Variants in LINGO2 observed in about 807,000 individuals in gnomAD.
LINGO2 encodes the protein leucine-rich repeat and immunoglobulin-like domain-containing nogo receptor-interacting protein 2.
Under a neutral mutation model 30.6 loss-of-function variants are expected in LINGO2, and 14 were observed. The ratio of observed to expected loss-of-function variants is 0.46; its 90% CI spans 0.30 to 0.72. LINGO2 has a LOEUF of 0.72. Ranked by LOEUF, LINGO2 falls within the 30% of genes least tolerant of loss-of-function variation. The pLI is 0.07. For missense variants in LINGO2, 729 were observed against 751.7 expected, an observed-to-expected ratio of 0.97 and a Z score of 0.35; for synonymous variants, 317 against 288.5, an observed-to-expected ratio of 1.10 and a Z score of -1.00.
chr9:28,813,528 A>G, the LINGO2 span, among the ~76,000 whole-genome samples: 45 of 152,240 alleles, frequency 3.0e-4, no homozygotes, highest in African/African-American at 1.1e-3. Context: ...ACAAACCTCA[A>G]TGTACCCTTC....
chr9:29,191,150 TAAGAA>T, the LINGO2 span, among the ~76,000 whole-genome samples: 1 of 152,162 alleles, frequency 6.6e-6, no homozygotes, highest in East Asian at 1.9e-4. Flanking sequence ...TCTTAGTCAA[TAAGAA>T]AATAGGACAC....
intron 1 of LINGO2, among the ~76,000 whole-genome samples, chr9:28,534,157 T>G (rs989941360): frequency 3.3e-5 from 5 of 152,062 alleles, no homozygotes; most frequent in African/African-American, 1.2e-4. Context: ...TCATTCTGCT[T>G]TATTTATTTA....
chr9:27,969,125 A>AG (rs144164278), intron 5 of LINGO2, among the ~76,000 whole-genome samples: 27,581 of 151,954 alleles, frequency 0.18, 6,195 homozygotes, highest in African/African-American at 0.52. Context: ...TTCAAAATGA[A>AG]GTGAAAAACA....
the LINGO2 span, among the ~76,000 whole-genome samples, chr9:28,992,978 T>C: frequency 6.6e-6 from 1 of 151,192 alleles, no homozygotes; most frequent in South Asian, 2.1e-4. Context: ...AGCAAACACA[T>C]TCAAAAGCTA....
chr9:28,650,575 C>G (rs773936958), intron 1 of LINGO2, among the ~76,000 whole-genome samples: 40 of 152,130 alleles, frequency 2.6e-4, no homozygotes, highest in Non-Finnish European at 5.1e-4. Context: ...AATGCCTTCA[C>G]CAAGAAATTT....
At chr9:29,141,821 C>G in the LINGO2 span, among the ~76,000 whole-genome samples, 1 of 151,674 alleles carries the variant, frequency 6.6e-6, no homozygotes, top group African/African-American at 2.4e-5. Flanking sequence ...TAGATTATAT[C>G]ATGATAAAAA....
intron 4 of LINGO2, among the ~76,000 whole-genome samples, chr9:28,208,225 G>C (rs34239826): frequency 0.11 from 16,523 of 151,876 alleles, 971 homozygotes; most frequent in Middle Eastern, 0.15. Flanking sequence ...TTTTCGTTTT[G>C]ATTTAAAAAT....
chr9:29,180,554 A>G, the LINGO2 span, among the ~76,000 whole-genome samples: 1 of 152,158 alleles, frequency 6.6e-6, no homozygotes, highest in Admixed American at 6.5e-5. Context: ...ATCACCCTAC[A>G]GCATCAAATA....
intron 3 of LINGO2, among the ~76,000 whole-genome samples, chr9:28,360,092 A>G (rs1193303306): frequency 6.6e-6 from 1 of 152,216 alleles, no homozygotes; most frequent in Admixed American, 6.6e-5. Flanking sequence ...ATGGTTGTAA[A>G]GTACTTAGTA....
chr9:28,397,374 C>CATATAT lies in LINGO2; in HGVS notation c.-278-24512_-278-24507dup, dbSNP rs375219396. On this transcript the variant is annotated intron_variant, in intron 2 of 5. Coordinates refer to ENST00000379992, the Ensembl canonical transcript of LINGO2. The stretch of plus-strand genomic sequence containing the variant: ...TTTGAAGTATATATATATATATATA[C>CATATAT]ATATATATATATACACACATTATGG... Among the ~76,000 whole-genome samples, 1,052 of 116,294 alleles carry CATATAT rather than the reference C, an allele frequency of 9.0e-3. 6 individuals are homozygous for CATATAT. Among genetic ancestry groups the CATATAT allele is most frequent in the Non-Finnish European group, 0.014 (747 of 52,846 alleles). 76.3% of individuals were successfully genotyped at this position (116,294 alleles called of 152,430 possible).
intron 4 of LINGO2, among the ~76,000 whole-genome samples, chr9:28,250,176 T>A (rs1054706765): frequency 1.3e-5 from 2 of 152,186 alleles, no homozygotes; most frequent in African/African-American, 4.8e-5. Flanking sequence ...GTTAGTCACA[T>A]CCTTCTGAGC....
rs141843186 is a variant in LINGO2, at chr9:28,390,276, T to C, written c.-278-17408A>G. On this transcript the variant is annotated intron_variant, in intron 2 of 5. Transcript: ENST00000379992. Reference sequence around the variant, plus strand: ...CAGATGACTACAAAATTAAACTATTTCTTTCAGCACAAACATGTTTAGAGT... The same window carrying C: ...CAGATGACTACAAAATTAAACTATTCCTTTCAGCACAAACATGTTTAGAGT... Among the ~76,000 whole-genome samples the C allele has an allele frequency of 3.3e-5, 5 of 152,312 alleles. No individual in the cohort carries two copies. In the East Asian group the frequency reaches 9.6e-4, roughly 29 times the overall value.
the LINGO2 span, among the ~76,000 whole-genome samples, chr9:28,828,470 T>C: frequency 1.9e-3 from 295 of 152,342 alleles, 1 homozygote; most frequent in African/African-American, 7.0e-3. Context: ...TAATGTGATA[T>C]GAAAATGTTT....
At position 28,115,088 on chromosome 9, in the gene LINGO2, G is replaced by T. The variant is rs1348823217; in HGVS notation, c.-86-102683C>A. On this transcript the variant is annotated intron_variant, in intron 4 of 5. Coordinates refer to ENST00000379992, the Ensembl canonical transcript of LINGO2. ...TCCCTCTACATACTGCTTTGAATGC[G>T]TCCCAGAGATTCTGGTATGTGGTGT... Among the ~76,000 whole-genome samples the T allele has an allele frequency of 8.7e-4, 2 of 2,296 alleles. 1 individual carries two copies. Among genetic ancestry groups the T allele is most frequent in the African/African-American group, 9.4e-4 (2 of 2,122 alleles). The allele number at this position is 2,296 out of a possible 152,430, so 1.5% of individuals were successfully genotyped here.
chr9:28,873,239 G>A, the LINGO2 span, among the ~76,000 whole-genome samples: 2 of 151,528 alleles, frequency 1.3e-5, no homozygotes, highest in East Asian at 3.9e-4. Flanking sequence ...GAGTGGTGGC[G>A]GGCACCTGTA....
chr9:28,523,152 G>C (rs1564264411), intron 1 of LINGO2, among the ~76,000 whole-genome samples: 1 of 151,790 alleles, frequency 6.6e-6, no homozygotes, highest in Non-Finnish European at 1.5e-5. Flanking sequence ...AATAAAAGTT[G>C]CTTTAATATC....
At position 28,666,013 on chromosome 9, in the gene LINGO2, T is replaced by G. The variant is rs529368283; in HGVS notation, c.-365+4187A>C. ...TTCAAGCGATTCTCCTGCCTCAGCC[T>G]CCTGAGTAGCTGGGATTACACACAT... On this transcript the variant is annotated intron_variant, in intron 1 of 5. Transcript: ENST00000379992. Among the ~76,000 whole-genome samples, 61 of 151,458 alleles carry G rather than the reference T, an allele frequency of 4.0e-4. No homozygotes were observed. The East Asian group carries it at 0.011, about 27-fold the overall frequency.
the LINGO2 span, among the ~76,000 whole-genome samples, chr9:28,924,272 G>A: frequency 6.6e-6 from 1 of 152,152 alleles, no homozygotes; most frequent in Admixed American, 6.5e-5. Context: ...CCAGGCTGGA[G>A]AACAGTGGTG....
the LINGO2 span, among the ~76,000 whole-genome samples, chr9:28,870,907 C>G: frequency 2.0e-5 from 3 of 151,908 alleles, no homozygotes; most frequent in African/African-American, 7.2e-5. Context: ...CCAAAGGCGA[C>G]AGAAAATAGA....
Sources: gnomAD v4.1 joint callset for allele counts (sites outside exome capture counted in the v4.1 genomes callset) on GRCh38, gnomAD v4.1.1 for gene constraint, MANE v1.5 for transcripts, NCBI Gene and HGNC (gene_info 2026-07-23, HGNC 2026-07-21) for gene names.